PPP1R12A: variants seen among roughly 807,000 people sequenced by gnomAD.
PPP1R12A encodes myosin binding subunit.
In PPP1R12A, 19 loss-of-function variants were observed where a neutral mutation model predicts 139.6. The observed-to-expected ratio is 0.14, with a 90% CI of 0.09 to 0.20. PPP1R12A has a LOEUF of 0.20. Ranked by LOEUF, PPP1R12A falls within the 10% of genes least tolerant of loss-of-function variation. PPP1R12A has a pLI of 1.00. For synonymous variants in PPP1R12A, 427 were observed against 420.6 expected, an observed-to-expected ratio of 1.02 and a Z score of -0.19; for missense variants, 925 against 1,211.5, an observed-to-expected ratio of 0.76 and a Z score of 3.51.
At chr12:79,840,055 T>A (rs1878534562) in intron 3 of PPP1R12A, among the ~76,000 whole-genome samples, 2 of 152,330 alleles carry the variant, frequency 1.3e-5, no homozygotes, top group East Asian at 3.9e-4. Flanking sequence ...GGGAGACATT[T>A]TAAATAAAAT....
chr12:79,778,690 T>A, intron 23 of PPP1R12A, 90 bp from the exon 24 acceptor site: 1 of 867,484 alleles, frequency 1.2e-6, no homozygotes, highest in Non-Finnish European at 1.6e-6. Context: ...ACTTCAGAAT[T>A]AAAGGTCCAA....
At chr12:79,877,025 T>G (rs1475109154) in intron 1 of PPP1R12A, among the ~76,000 whole-genome samples, 1 of 151,500 alleles carries the variant, frequency 6.6e-6, no homozygotes, top group African/African-American at 2.4e-5. Flanking sequence ...AAAAAAAGGG[T>G]AAAAGCATTG....
rs749418608 is a variant in PPP1R12A, at chr12:79,828,304, C to T, written c.792+16G>A. The T allele has an allele frequency of 3.9e-5, 62 of 1,593,036 alleles. No homozygotes were observed. The highest frequency in any genetic ancestry group is 5.1e-5 in the Non-Finnish European group (60 of 1,169,012). On this transcript the variant is annotated intron_variant, in intron 5 of 24. Transcript: ENST00000450142. ...TTCTAAAAGTTAAAGTATTAAAATA[C>T]GTTTAAAACGCCTACCACTTTGTTG... is the stretch of plus-strand genomic sequence containing the variant.
intron 1 of PPP1R12A, among the ~76,000 whole-genome samples, chr12:79,906,955 C>T (rs1038569712): frequency 2.0e-5 from 3 of 152,158 alleles, no homozygotes; most frequent in African/African-American, 4.8e-5. Context: ...CCACCGCATC[C>T]GGCCTACAAA....
In PPP1R12A at chr12:79,802,222, C is replaced by T. The variant is rs116245627; in HGVS notation, c.2000+3370G>A. ...CAATCAGAGATATAACCTATATTAACTTGGCTTAACTCAGTACTTCCCAAG... is the reference window on the plus strand; with the variant it reads ...CAATCAGAGATATAACCTATATTAATTTGGCTTAACTCAGTACTTCCCAAG... On this transcript the variant is annotated intron_variant, in intron 14 of 24. Transcript: ENST00000450142. Among the ~76,000 whole-genome samples, 790 of 152,240 alleles carry T rather than the reference C, an allele frequency of 5.2e-3. 5 individuals carry two copies. The highest frequency in any genetic ancestry group is 0.018 in the African/African-American group (751 of 41,542).
chr12:79,875,824 A>G (rs1386389621), intron 1 of PPP1R12A, among the ~76,000 whole-genome samples: 2 of 152,182 alleles, frequency 1.3e-5, no homozygotes, highest in African/African-American at 4.8e-5. Context: ...TTATCTACCC[A>G]TCCCCTTAAA....
intron 23 of PPP1R12A, 61 bp from the exon 24 acceptor site, chr12:79,778,661 T>A: frequency 8.7e-7 from 1 of 1,150,010 alleles, no homozygotes; most frequent in East Asian, 2.6e-5. Flanking sequence ...AGTCTTCTTC[T>A]ATACTGTGAA....
chr12:79,828,670 A>G (rs947936877), intron 4 of PPP1R12A, among the ~76,000 whole-genome samples: 1 of 152,152 alleles, frequency 6.6e-6, no homozygotes, highest in African/African-American at 2.4e-5. Flanking sequence ...AGTCATTGCC[A>G]TAATAATGCA....
At chr12:79,808,318 G>A (rs1565751052) in intron 11 of PPP1R12A, among the ~76,000 whole-genome samples, 165 bp downstream of exon 11, 2 of 152,148 alleles carry the variant, frequency 1.3e-5, no homozygotes, top group East Asian at 3.9e-4. Context: ...TACCAAGCCT[G>A]CACCTCCTCA....
chr12:79,845,495 G>T, intron 2 of PPP1R12A, 75 bp from the exon 3 acceptor site: 1 of 1,078,580 alleles, frequency 9.3e-7, no homozygotes. Context: ...AACCAATGAG[G>T]AAAGTTCCTA....
At chr12:79,876,717 C>T (rs1216467902) in intron 1 of PPP1R12A, among the ~76,000 whole-genome samples, 2 of 152,066 alleles carry the variant, frequency 1.3e-5, no homozygotes, top group Admixed American at 1.3e-4. Context: ...AAGAAAATGA[C>T]AAAGTTTCTA....
chr12:79,820,723 T>C (rs1441011104), intron 8 of PPP1R12A, 51 bp downstream of exon 8: 10 of 1,591,938 alleles, frequency 6.3e-6, no homozygotes, highest in Admixed American at 1.8e-5. Context: ...TCTTGTCTTA[T>C]TTTACACTGC....
intron 1 of PPP1R12A, chr12:79,914,007 T>C (rs1165804079): frequency 6.6e-6 from 1 of 152,128 alleles, no homozygotes; most frequent in Non-Finnish European, 1.5e-5. Context: ...TTTAAAAAAA[T>C]TTCCAAAAAT....
chr12:79,867,864 C>T (rs1020549998), intron 2 of PPP1R12A, among the ~76,000 whole-genome samples: 11 of 152,010 alleles, frequency 7.2e-5, no homozygotes, highest in African/African-American at 1.9e-4. Context: ...TTCTTCCTGC[C>T]GCCATGTGAA....
At chr12:79,862,999 C>T (rs528026045) in intron 2 of PPP1R12A, among the ~76,000 whole-genome samples, 3 of 152,028 alleles carry the variant, frequency 2.0e-5, no homozygotes, top group South Asian at 2.1e-4. Context: ...GAAGAGCAAC[C>T]CCAAGACACA....
At chr12:79,777,401 T>C (rs899611802) in intron 24 of PPP1R12A, 20 of 984,538 alleles carry the variant, frequency 2.0e-5, no homozygotes, top group Non-Finnish European at 2.4e-5. Flanking sequence ...TAATTAGTTA[T>C]ATGATATGCT....
upstream of PPP1R12A, chr12:79,935,424 A>C: frequency 1.0e-6 from 1 of 991,312 alleles, no homozygotes; most frequent in Non-Finnish European, 1.2e-6. Context: ...GGAGGCCAGC[A>C]GTGGAACCGC....
chr12:79,788,705 T>G lies in PPP1R12A; in HGVS notation c.2745A>C (p.Glu915Asp). 1 of 1,613,540 alleles carries G rather than the reference T, an allele frequency of 6.2e-7. No individual in the cohort carries two copies. Among genetic ancestry groups the G allele is most frequent in the Middle Eastern group, 1.7e-4 (1 of 6,056 alleles). Reference protein sequence around the residue: ...LGRSGSYSYLEERKPYSSRLE... With the variant: ...LGRSGSYSYLDERKPYSSRLE... ...GCCTGCTGCTGTAAGGTTTTCTTTC[T>G]TCTAAGTAACTGTATGATCCAGAGC... The change falls in exon 21 of 25, where the codon GAA (glutamate) becomes GAC (aspartate). Residue 915 changes from glutamate to aspartate, a missense_variant. Physicochemically the swap from Glu to Asp is conservative, Grantham distance 45. Around this residue, in one of 4 missense-constraint regions of PPP1R12A, gnomAD observed 315 missense variants for 363.4 expected, o/e 0.87. Transcript: ENST00000450142.
chr12:79,812,404 G>GTGTGTGTT (rs1874701863), intron 9 of PPP1R12A, among the ~76,000 whole-genome samples: 1 of 150,836 alleles, frequency 6.6e-6, no homozygotes, highest in African/African-American at 2.4e-5. Flanking sequence ...GTGTGTGTGT[G>GTGTGTGTT]TGTGTGTGTG....
Sources: gnomAD v4.1 joint callset for allele counts (sites outside exome capture counted in the v4.1 genomes callset) on GRCh38, gnomAD v4.1.1 for gene constraint, gnomAD v4.1.1 regional missense constraint, MANE v1.5 for transcripts, NCBI Gene and HGNC (gene_info 2026-07-23, HGNC 2026-07-21) for gene names.